DSG1: variants seen among roughly 807,000 people sequenced by gnomAD.
The protein encoded by DSG1 is desmoglein-1.
DSG1 carries 39 observed loss-of-function variants against 97.5 expected under a neutral mutation model. The ratio of observed to expected loss-of-function variants is 0.40; its 90% confidence interval spans 0.31 to 0.52. The LOEUF (loss-of-function observed/expected upper bound fraction) is 0.52. Among genes scored for constraint, DSG1 ranks in the 20% least tolerant of loss-of-function variants. The pLI is 0.53. For missense variants in DSG1, 1,311 were observed against 1,295.4 expected (o/e 1.01, Z -0.18); for synonymous variants, 475 against 443.4 (o/e 1.07, Z -0.90).
chr18:31,335,143 A>G, intron 8 of DSG1, among the ~76,000 whole-genome samples: 1 of 152,084 alleles, frequency 6.6e-6, no homozygotes, highest in East Asian at 1.9e-4. Context: ...ATTTAATTTG[A>G]GACAGTACGC....
chr18:31,336,267 GT>G (rs1555655103), intron 8 of DSG1, 86 bp from the exon 9 acceptor site: 21 of 1,198,338 alleles, frequency 1.8e-5, no homozygotes, highest in Middle Eastern at 2.8e-4. Flanking sequence ...AAGATAATAA[GT>G]TTTTTTTGCT....
At chr18:31,333,455 C>A in intron 6 of DSG1, 134 bp from the exon 7 acceptor site, 1 of 1,004,808 alleles carries the variant, frequency 1.0e-6, no homozygotes, top group Non-Finnish European at 1.5e-6. Context: ...TGTGGATTTC[C>A]CATATTCTGT....
chr18:31,346,318 G>A, intron 14 of DSG1, 120 bp downstream of exon 14: 1 of 845,698 alleles, frequency 1.2e-6, no homozygotes, highest in Non-Finnish European at 2.0e-6. Context: ...TCAGCCTTTA[G>A]TTTTTGTGCC....
At chr18:31,347,888 C>CA (rs2071855050) in intron 14 of DSG1, 1 of 140,874 alleles carries the variant, frequency 7.1e-6, no homozygotes, top group South Asian at 2.1e-4. Context: ...AGACAAAAAA[C>CA]AAAACAACAC....
At chr18:31,331,589 A>G (rs1187004026) in intron 5 of DSG1, 112 bp from the exon 6 acceptor site, 3 of 903,218 alleles carry the variant, frequency 3.3e-6, no homozygotes, top group East Asian at 5.3e-5. Flanking sequence ...AAGACAGTGA[A>G]GTCCACATCA....
At chr18:31,331,187 G>A (rs2071718765) in intron 5 of DSG1, among the ~76,000 whole-genome samples, 1 of 151,984 alleles carries the variant, frequency 6.6e-6, no homozygotes, top group Admixed American at 6.6e-5. Flanking sequence ...CAAAACAGTA[G>A]TAATGTATAT....
chr18:31,318,273 G>C lies in DSG1; in HGVS notation c.-28G>C, dbSNP rs1435335540. ...GAGAAGAACAAACAAAACTCCCTTG[G>C]TCTTGGATGTAAGAGAATCCAGCAG... On this transcript the variant is annotated 5_prime_UTR_variant, in exon 1 of 15. Transcript: ENST00000257192. 1.9e-6 allele frequency: 3 copies of C among 1,604,224 alleles called. No individual in the cohort carries two copies. In the African/African-American group the frequency reaches 4.0e-5, roughly 21 times the overall value.
At chr18:31,325,000 G>T (rs777209304) in intron 1 of DSG1, among the ~76,000 whole-genome samples, 3 of 152,192 alleles carry the variant, frequency 2.0e-5, no homozygotes, top group Non-Finnish European at 2.9e-5. Context: ...AAAGTTCAGA[G>T]AATTGGGGAA....
chr18:31,326,813 G>T, intron 2 of DSG1, 61 bp from the exon 3 acceptor site: 2 of 1,581,442 alleles, frequency 1.3e-6, no homozygotes, highest in Non-Finnish European at 1.7e-6. Flanking sequence ...AAAAATCTCA[G>T]TGGAATTTGA....
chr18:31,354,313 C>T lies in DSG1; in HGVS notation c.2117C>T (p.Ala706Val), dbSNP rs752501004. ...SYFCQKAYAY[A>V]DEDEGRPSND... ...TAAATTCAGAAAGCATATGCTTACG[C>T]AGATGAAGATGAAGGACGCCCATCT... Residue 706 changes from alanine (A) to valine (V), a missense_variant, in exon 15 of 15, where the codon GCA becomes GTA. Ala to Val is a moderately conservative substitution (Grantham distance 64, BLOSUM62 0). This residue lies in a region of DSG1 where 1,038 missense variants were observed against 964.6 expected (regional missense o/e 1.08). Transcript: ENST00000257192. 6.4e-5 allele frequency: 104 copies of T among 1,613,958 alleles called. No homozygotes were observed. The South Asian group carries it at 1.0e-3, about 16-fold the overall frequency.
At chr18:31,345,174 G>T (rs1359529109) in intron 13 of DSG1, among the ~76,000 whole-genome samples, 1 of 152,020 alleles carries the variant, frequency 6.6e-6, no homozygotes, top group Non-Finnish European at 1.5e-5. Context: ...TTTGAACAAA[G>T]CACCATAAGA....
chr18:31,329,752 G>A (rs1040833428), intron 4 of DSG1, 140 bp from the exon 5 acceptor site: 4 of 1,038,010 alleles, frequency 3.9e-6, no homozygotes, highest in Non-Finnish European at 5.8e-6. Flanking sequence ...TTCCCTTAGT[G>A]ACTGTAAGTA....
Position 31,355,142 on chromosome 18 carries a change from C to G in DSG1, c.2946C>G (p.Thr982=). 1 of 1,611,728 alleles carries G rather than the reference C, an allele frequency of 6.2e-7. No homozygotes were observed. The highest frequency in any genetic ancestry group is 1.1e-5 in the South Asian group (1 of 90,812). The change falls in exon 15 of 15, where the codon ACC becomes ACG. Residue 982 remains threonine (T), a synonymous_variant. Coordinates refer to ENST00000257192, the MANE Select transcript of DSG1 (RefSeq NM_001942.4). Reference sequence around the variant, plus strand: ...TAGGCAGCAGTGGCCTGGTTGGCACCAGCATGGGTGCTGGGAGCGGTGCCC... The same window carrying G: ...TAGGCAGCAGTGGCCTGGTTGGCACGAGCATGGGTGCTGGGAGCGGTGCCC... ...GGIGSSGLVG[T]SMGAGSGALS...
In DSG1 at chr18:31,336,537, A is replaced by G; in HGVS notation, c.1189A>G (p.Asn397Asp). Residue 397 changes from asparagine (N) to aspartate (D), a missense_variant, in exon 9 of 15, where the codon AAT becomes GAT. Coordinates refer to ENST00000257192, the MANE Select transcript of DSG1 (RefSeq NM_001942.4). Reference protein sequence around the residue: ...PGSKTYVVTGNMGSNDKVGDF... With the variant: ...PGSKTYVVTGDMGSNDKVGDF... ...TTCAAAGACATATGTTGTAACTGGT[A>G]ATATGGGATCAAATGATAAAGTGGG... 1 of 1,614,012 alleles carries G rather than the reference A, an allele frequency of 6.2e-7. No homozygotes were observed. Among genetic ancestry groups the G allele is most frequent in the East Asian group, 2.2e-5 (1 of 44,842 alleles).
rs773412647 is a variant in DSG1 at position 31,354,806 on chromosome 18, C to T, written c.2610C>T (p.Gly870=). The change falls in exon 15 of 15, where the codon GGC becomes GGT. Residue 870 remains glycine (G), a synonymous_variant. Coordinates refer to ENST00000257192, the MANE Select transcript of DSG1 (RefSeq NM_001942.4). The stretch of plus-strand genomic sequence containing the variant: ...TGGTAGTGACAGAGAGAGTGGTCGG[C>T]CCAATCTCTGGCGCTGATTTGCATG... ...SNVVVTERVV[G]PISGADLHGM... The T allele has an allele frequency of 1.9e-6, 3 of 1,614,008 alleles. No individual in the cohort carries two copies. In the Admixed American group the frequency reaches 5.0e-5, roughly 27 times the overall value.
chr18:31,333,525 T>C, intron 6 of DSG1, 64 bp from the exon 7 acceptor site: 1 of 1,609,034 alleles, frequency 6.2e-7, no homozygotes, highest in Non-Finnish European at 8.5e-7. Flanking sequence ...CAAAGAACTT[T>C]ACATAAGACA....
At position 31,351,165 on chromosome 18, in the gene DSG1, T is replaced by G. The variant is rs1265516669; in HGVS notation, c.2101-3132T>G. 6.8e-3 allele frequency among the ~76,000 whole-genome samples: 1,008 copies of G among 147,816 alleles called. 15 individuals carry two copies. The highest frequency in any genetic ancestry group is 0.025 in the African/African-American group (962 of 38,282). Reference sequence around the variant, plus strand: ...ATGCGTCCCAGAGATTCTGGTATGTTGTGTCTTTGTTCTCGTTGGTTTCAA... The same window carrying G: ...ATGCGTCCCAGAGATTCTGGTATGTGGTGTCTTTGTTCTCGTTGGTTTCAA... On this transcript the variant is annotated intron_variant, in intron 14 of 14. Coordinates refer to ENST00000257192, the MANE Select transcript of DSG1 (RefSeq NM_001942.4).
chr18:31,334,789 C>T (rs1351745946), intron 8 of DSG1, among the ~76,000 whole-genome samples: 1 of 152,030 alleles, frequency 6.6e-6, no homozygotes, highest in Non-Finnish European at 1.5e-5. Context: ...AACTGGATGC[C>T]GTTCTCTTAT....
chr18:31,343,392 T>C lies in DSG1; in HGVS notation c.1688-58T>C. The C allele has an allele frequency of 4.4e-6, 7 of 1,608,148 alleles. No homozygotes were observed. In the South Asian group the frequency reaches 7.7e-5, roughly 18 times the overall value. ...AATTTAACCATAAAAAATCAGGTTG[T>C]TTTGTTTTTTATTTGCACCCAGTGC... On this transcript the variant is annotated intron_variant, in intron 11 of 14. Transcript: ENST00000257192.
Sources: gnomAD v4.1 joint callset for allele counts (sites outside exome capture counted in the v4.1 genomes callset) on GRCh38, gnomAD v4.1.1 for gene constraint, gnomAD v4.1.1 regional missense constraint, MANE v1.5 for transcripts, NCBI Gene and HGNC (gene_info 2026-07-23, HGNC 2026-07-21) for gene names.